The following ARL6IP5 variants were observed in gnomAD, a reference collection of about 807,000 sequenced individuals.
ARL6IP5 encodes the protein ARF like GTPase 6 interacting protein 5.
In ARL6IP5, 6 loss-of-function variants were observed where a neutral mutation model predicts 13.0. The observed-to-expected ratio is 0.46, with a 90% CI of 0.25 to 0.91. ARL6IP5 has a LOEUF of 0.91. Among genes scored for constraint, ARL6IP5 ranks in the 40% least tolerant of loss-of-function variants. The probability of loss-of-function intolerance (pLI) is 0.17; values close to 1 mark genes in which losing one functional copy is unlikely to be tolerated. For missense variants in ARL6IP5, 208 were observed against 248.8 expected, an observed-to-expected ratio of 0.84 and a Z score of 1.10; for synonymous variants, 91 against 91.9, an observed-to-expected ratio of 0.99 and a Z score of 0.06.
chr3:69,098,013 A>G (rs562301790), intron 1 of ARL6IP5, among the ~76,000 whole-genome samples: 1 of 151,602 alleles, frequency 6.6e-6, no homozygotes, highest in African/African-American at 2.4e-5. Context: ...ATGTTTTTGT[A>G]TTTCCTTTTT....
chr3:69,088,388 T>C (rs3853159), intron 1 of ARL6IP5, among the ~76,000 whole-genome samples: 79,969 of 151,952 alleles, frequency 0.53, 21,178 homozygotes, highest in South Asian at 0.63. Context: ...TGTTCAACAA[T>C]GGTTCCATCC....
At chr3:69,088,483 TAG>T (rs2092254985) in intron 1 of ARL6IP5, among the ~76,000 whole-genome samples, 1 of 152,146 alleles carries the variant, frequency 6.6e-6, no homozygotes, top group Admixed American at 6.5e-5. Context: ...TAGATGAGGA[TAG>T]AGAGGGCCTC....
In ARL6IP5 at chr3:69,102,364, C is replaced by G. The variant is rs558545948; in HGVS notation, c.394+308C>G. 353 of 357,062 alleles carry G rather than the reference C, an allele frequency of 9.9e-4. 1 individual carries two copies. The highest frequency in any genetic ancestry group is 6.9e-3 in the African/African-American group (333 of 48,202). The allele number at this position is 357,062 out of a possible 1,614,324, so 22.1% of individuals were successfully genotyped here. A position where few individuals can be genotyped will look rare whatever the true frequency, so the allele number is the denominator to read the frequency against. ...TCTGTCACCCACGCTGTGGTGTTATCTCGGCTTACTGCAACCTCTGCCTCC... is the reference window on the plus strand; with the variant it reads ...TCTGTCACCCACGCTGTGGTGTTATGTCGGCTTACTGCAACCTCTGCCTCC... On this transcript the variant is annotated intron_variant, in intron 2 of 2. Coordinates refer to ENST00000273258, the MANE Select transcript of ARL6IP5 (RefSeq NM_006407.4).
chr3:69,101,388 T>C (rs949581246), intron 1 of ARL6IP5, among the ~76,000 whole-genome samples: 1 of 147,346 alleles, frequency 6.8e-6, no homozygotes, highest in East Asian at 2.2e-4. Context: ...AGTGGGGGAA[T>C]CTTGGCTCAC....
In ARL6IP5 at chr3:69,102,139, A is replaced by T. The variant is rs559362142; in HGVS notation, c.394+83A>T. On this transcript the variant is annotated intron_variant, in intron 2 of 2. Transcript: ENST00000273258. ...ACGGGAATTCCATAACCCATTTCTT[A>T]TATGTGTTGGCATGTCAGCAAAAGT... The T allele has an allele frequency of 8.3e-6, 12 of 1,453,532 alleles. No individual in the cohort carries two copies. The East Asian group carries it at 2.7e-4, about 33-fold the overall frequency. The allele number at this position is 1,453,532 out of a possible 1,614,324, so 90.0% of individuals were successfully genotyped here. A position where few individuals can be genotyped will look rare whatever the true frequency, so the allele number is the denominator to read the frequency against.
Position 69,105,629 on chromosome 3 carries a change from G to A in ARL6IP5, c.*993G>A, listed in dbSNP as rs2092320123. 6.6e-6 allele frequency: 1 copy of A among 152,184 alleles called. No individual in the cohort carries two copies. The highest frequency in any genetic ancestry group is 2.1e-4 in the South Asian group (1 of 4,830). 9.4% of individuals were successfully genotyped at this position (152,184 alleles called of 1,614,324 possible). On this transcript the variant is annotated 3_prime_UTR_variant, in exon 3 of 3. Transcript: ENST00000273258. Reference sequence around the variant, plus strand: ...GACTTTAAAAAATGGTAATGAAAATGGAATGCAGCTACTGCAGCTAATAAA... The same window carrying A: ...GACTTTAAAAAATGGTAATGAAAATAGAATGCAGCTACTGCAGCTAATAAA...
chr3:69,086,359 C>T (rs1022639592), intron 1 of ARL6IP5, among the ~76,000 whole-genome samples: 1 of 152,174 alleles, frequency 6.6e-6, no homozygotes, highest in Non-Finnish European at 1.5e-5. Flanking sequence ...GGGCTCCTGG[C>T]AGTTGTTGAG....
intron 1 of ARL6IP5, among the ~76,000 whole-genome samples, chr3:69,096,569 G>A (rs1254512457): frequency 7.4e-6 from 1 of 134,662 alleles, no homozygotes; most frequent in South Asian, 2.5e-4. Flanking sequence ...TGAGTTCTTT[G>A]TGTTGATTTG....
intron 1 of ARL6IP5, among the ~76,000 whole-genome samples, chr3:69,094,384 G>A (rs2092280241): frequency 1.3e-5 from 2 of 152,192 alleles, no homozygotes; most frequent in Admixed American, 6.5e-5. Flanking sequence ...GCAGGCAGGG[G>A]CCAGACCCTG....
At chr3:69,095,074 T>C (rs2092282951) in intron 1 of ARL6IP5, among the ~76,000 whole-genome samples, 1 of 152,200 alleles carries the variant, frequency 6.6e-6, no homozygotes, top group Admixed American at 6.5e-5. Flanking sequence ...GGGGAAATCC[T>C]TAAAGCCGGT....
rs34413250 is a variant in ARL6IP5 at position 69,098,240 on chromosome 3, C to CTTTTTTTT, written c.177-3585_177-3578dup. 6.5e-4 allele frequency among the ~76,000 whole-genome samples: 47 copies of CTTTTTTTT among 71,818 alleles called. 1 individual carries two copies. The highest frequency in any genetic ancestry group is 3.0e-3 in the African/African-American group (47 of 15,854). 47.1% of individuals were successfully genotyped at this position (71,818 alleles called of 152,430 possible). A position where few individuals can be genotyped will look rare whatever the true frequency, so the allele number is the denominator to read the frequency against. On this transcript the variant is annotated intron_variant, in intron 1 of 2. Transcript: ENST00000273258. ...TACAGGTGCCTGCCACCATACCTGG[C>CTTTTTTTT]TTTTTTTTTTTTTTTTTTTTTGAGA... is the stretch of plus-strand genomic sequence containing the variant.
intron 1 of ARL6IP5, among the ~76,000 whole-genome samples, chr3:69,098,694 G>C (rs1289452719): frequency 6.6e-6 from 1 of 152,180 alleles, no homozygotes; most frequent in East Asian, 1.9e-4. Flanking sequence ...ACTCAGCCTA[G>C]AAACTTCTAC....
At chr3:69,094,929 T>C (rs1236739667) in intron 1 of ARL6IP5, among the ~76,000 whole-genome samples, 1 of 152,126 alleles carries the variant, frequency 6.6e-6, no homozygotes, top group Non-Finnish European at 1.5e-5. Flanking sequence ...ACTATAGACA[T>C]AGCTACTGAA....
intron 1 of ARL6IP5, chr3:69,089,667 G>C: frequency 3.3e-6 from 1 of 305,886 alleles, no homozygotes; most frequent in South Asian, 2.6e-5. Flanking sequence ...ATTATTTTCT[G>C]CCATTAGAAC....
Position 69,105,223 on chromosome 3 carries a change from A to C in ARL6IP5, c.*587A>C. The C allele has an allele frequency of 4.6e-6, 1 of 216,370 alleles. No homozygotes were observed. Among genetic ancestry groups the C allele is most frequent in the Admixed American group, 5.4e-5 (1 of 18,662 alleles). 13.4% of individuals were successfully genotyped at this position (216,370 alleles called of 1,614,324 possible). ...AAATATAAAGATAGCTGTTTAGGATATTTTGTTACATTTTTGTAAATTTTT... is the reference window on the plus strand; with the variant it reads ...AAATATAAAGATAGCTGTTTAGGATCTTTTGTTACATTTTTGTAAATTTTT... On this transcript the variant is annotated 3_prime_UTR_variant, in exon 3 of 3. Coordinates refer to ENST00000273258, the MANE Select transcript of ARL6IP5 (RefSeq NM_006407.4).
chr3:69,102,160 A>G (rs1003460621), intron 2 of ARL6IP5, 104 bp downstream of exon 2: 7 of 1,264,056 alleles, frequency 5.5e-6, no homozygotes, highest in Non-Finnish European at 7.8e-6. Context: ...CATGTCAGCA[A>G]AAGTGTCAGA....
intron 1 of ARL6IP5, among the ~76,000 whole-genome samples, chr3:69,088,772 T>C (rs1332229666): frequency 6.6e-6 from 1 of 152,264 alleles, no homozygotes; most frequent in African/African-American, 2.4e-5. Flanking sequence ...GCTTACCTTC[T>C]GCATCCTTGA....
chr3:69,090,554 C>A lies in ARL6IP5; in HGVS notation c.176+5331C>A, dbSNP rs148984936. Among the ~76,000 whole-genome samples the A allele has an allele frequency of 2.0e-5, 3 of 152,348 alleles. No homozygotes were observed. In the East Asian group the frequency reaches 5.8e-4, roughly 29 times the overall value. ...ACCTGATCTCCCCTGTACATTATTA[C>A]TCCAAATTCCAAATCTCTCAGGTGT... On this transcript the variant is annotated intron_variant, in intron 1 of 2. Transcript: ENST00000273258.
At chr3:69,104,031 C>T (rs1316473329) in intron 2 of ARL6IP5, among the ~76,000 whole-genome samples, 2 of 152,150 alleles carry the variant, frequency 1.3e-5, no homozygotes, top group Non-Finnish European at 1.5e-5. Context: ...GGACTTTACT[C>T]ACGTGCTCCT....
Sources: allele counts gnomAD v4.1 joint callset (sites outside exome capture counted in the v4.1 genomes callset), GRCh38; gene constraint gnomAD v4.1.1; transcripts MANE v1.5; gene names NCBI Gene and HGNC (gene_info 2026-07-23, HGNC 2026-07-21).